The following FBXO38 variants were observed in gnomAD, a reference collection of about 807,000 sequenced individuals.
FBXO38 encodes the protein F-box protein 38, also known as F-box only protein 38.
FBXO38 carries 53 observed loss-of-function variants against 131.9 expected under a neutral mutation model. The ratio of observed to expected loss-of-function variants is 0.40; its 90% CI spans 0.32 to 0.51. The LOEUF is 0.51. Ranked by LOEUF, FBXO38 falls within the 20% of genes least tolerant of loss-of-function variation. The pLI is 0.53. For missense variants in FBXO38, 1,076 were observed against 1,475.6 expected, an observed-to-expected ratio of 0.73 and a Z score of 4.44; for synonymous variants, 452 against 505.6, an observed-to-expected ratio of 0.89 and a Z score of 1.42.
At chr5:148,415,886 A>G (rs1200327460) in intron 10 of FBXO38, 42 bp from the exon 11 acceptor site, 1 of 1,608,894 alleles carries the variant, frequency 6.2e-7, no homozygotes, top group South Asian at 1.1e-5. Flanking sequence ...AATGGGGAAA[A>G]TGTTACTTAG....
chr5:148,439,187 G>C (rs1445054675), intron 18 of FBXO38, among the ~76,000 whole-genome samples: 1 of 152,164 alleles, frequency 6.6e-6, no homozygotes, highest in Non-Finnish European at 1.5e-5. Context: ...AACTAGAGAT[G>C]GGGGAGGGTA....
At position 148,387,690 on chromosome 5, in the gene FBXO38, CTTTTTTTTTT is replaced by C. The variant is rs142417126; in HGVS notation, c.-64+3662_-64+3671del. Reference sequence around the variant, plus strand: ...AGCTATAGCCTTAGGGAATTTATTTCTTTTTTTTTTTTTTTTTTTTGAGATGGAGTCTAGC... The same window carrying C: ...AGCTATAGCCTTAGGGAATTTATTTCTTTTTTTTTTGAGATGGAGTCTAGC... On this transcript the variant is annotated intron_variant, in intron 1 of 21. Transcript: ENST00000340253. 5.2e-3 allele frequency among the ~76,000 whole-genome samples: 664 copies of C among 126,704 alleles called. 7 individuals are homozygous for C. The highest frequency in any genetic ancestry group is 0.033 in the Middle Eastern group (8 of 244). The allele number at this position is 126,704 out of a possible 152,430, so 83.1% of individuals were successfully genotyped here. A position where few individuals can be genotyped will look rare whatever the true frequency, so the allele number is the denominator to read the frequency against.
At chr5:148,411,769 C>A (rs1407123140) in intron 9 of FBXO38, among the ~76,000 whole-genome samples, 1 of 152,036 alleles carries the variant, frequency 6.6e-6, no homozygotes, top group Non-Finnish European at 1.5e-5. Flanking sequence ...CAGCTTTTCT[C>A]CAAAATAGCT....
chr5:148,404,888 T>G, intron 6 of FBXO38, 66 bp downstream of exon 6: 1 of 1,377,938 alleles, frequency 7.3e-7, no homozygotes, highest in Non-Finnish European at 9.8e-7. Context: ...AAGCAAACTC[T>G]AGCTACATTT....
Position 148,442,033 on chromosome 5 carries a change from A to G in FBXO38, c.3453A>G (p.Gly1151=). ...CAGACATCTGTATGGAAACAATAGG[A>G]GAGGAAATTTCAGAGATGCGTCAGA... ...LSADICMETI[G]EEISEMRQMK... is the part of the protein sequence containing the mutation. The change falls in exon 22 of 22, where the codon GGA becomes GGG. Residue 1151 remains glycine (G), a synonymous_variant. Transcript: ENST00000340253. 1 of 1,614,102 alleles carries G rather than the reference A, an allele frequency of 6.2e-7. No individual in the cohort carries two copies. Among genetic ancestry groups the G allele is most frequent in the Non-Finnish European group, 8.5e-7 (1 of 1,179,942 alleles).
In FBXO38 at chr5:148,394,728, A is replaced by G; in HGVS notation, c.-49A>G. On this transcript the variant is annotated 5_prime_UTR_variant, in exon 2 of 22. Transcript: ENST00000340253. ...TTGCTTTTCAGGTACTTTGAACTCA[A>G]GTAAACAAAAGGGAAGATTTTCTCG... The G allele has an allele frequency of 1.4e-6, 2 of 1,466,188 alleles. No homozygotes were observed. Among genetic ancestry groups the G allele is most frequent in the Non-Finnish European group, 1.8e-6 (2 of 1,107,000 alleles). 90.8% of individuals were successfully genotyped at this position (1,466,188 alleles called of 1,614,324 possible).
chr5:148,387,375 T>C (rs1376438678), intron 1 of FBXO38, among the ~76,000 whole-genome samples: 1 of 152,236 alleles, frequency 6.6e-6, no homozygotes, highest in Non-Finnish European at 1.5e-5. Flanking sequence ...ATCTTCAGGC[T>C]CTACATCCGA....
At chr5:148,405,166 C>T (rs1315410492) in intron 6 of FBXO38, among the ~76,000 whole-genome samples, 2 of 152,082 alleles carry the variant, frequency 1.3e-5, no homozygotes, top group Non-Finnish European at 2.9e-5. Flanking sequence ...CTTAATCTCC[C>T]TTAAACATAG....
intron 1 of FBXO38, among the ~76,000 whole-genome samples, chr5:148,391,772 A>C (rs1022098715): frequency 7.2e-5 from 11 of 152,190 alleles, no homozygotes; most frequent in African/African-American, 2.7e-4. Context: ...GAAAATTTCA[A>C]ATGATGGAGA....
chr5:148,388,863 T>C (rs1296765869), intron 1 of FBXO38, among the ~76,000 whole-genome samples: 2 of 152,260 alleles, frequency 1.3e-5, no homozygotes, highest in Non-Finnish European at 2.9e-5. Flanking sequence ...TGTTCACAAC[T>C]TAGCTAATGT....
intron 17 of FBXO38, among the ~76,000 whole-genome samples, chr5:148,436,856 A>G (rs539148071): frequency 3.5e-4 from 53 of 152,326 alleles, no homozygotes; most frequent in African/African-American, 1.1e-3. Flanking sequence ...TTAAATTACT[A>G]TCTCCTATTG....
Position 148,427,882 on chromosome 5 carries a change from A to AC in FBXO38, c.2591dup (p.Arg865SerfsTer19), listed in dbSNP as rs766280147. On this transcript the variant is annotated frameshift_variant, in exon 15 of 22. Coordinates refer to ENST00000340253, the MANE Select transcript of FBXO38 (RefSeq NM_205836.3). LOFTEE classifies it high-confidence loss of function. ...TGTGACGTGCAGTCTAATGAAGACT[A>AC]CCCTCGGAGGCCCCTAACCAGGGCC... The AC allele has an allele frequency of 1.3e-6, 2 of 1,556,928 alleles. No individual in the cohort carries two copies. The highest frequency in any genetic ancestry group is 1.7e-6 in the Non-Finnish European group (2 of 1,154,516).
rs750378908 is a variant in FBXO38 at position 148,417,098 on chromosome 5, C to G, written c.1512C>G (p.Asn504Lys). The change falls in exon 12 of 22, where the codon AAC becomes AAG. Residue 504 changes from asparagine to lysine, a missense_variant. This residue lies in a region of FBXO38 where 212 missense variants were observed against 221.2 expected (regional missense o/e 0.96). Coordinates refer to ENST00000340253, the MANE Select transcript of FBXO38 (RefSeq NM_205836.3). ...ATGACGATAATAATGCCCAGAATAACAATGCCAACATCCACGACAACAATC... is the reference window on the plus strand; with the variant it reads ...ATGACGATAATAATGCCCAGAATAAGAATGCCAACATCCACGACAACAATC... ...SNNDDNNAQN[N>K]NANIHDNNHH... 6.2e-7 allele frequency: 1 copy of G among 1,613,348 alleles called. No individual in the cohort carries two copies. The highest frequency in any genetic ancestry group is 1.1e-5 in the South Asian group (1 of 91,066).
intron 17 of FBXO38, among the ~76,000 whole-genome samples, chr5:148,438,109 A>G (rs896287325): frequency 1.3e-5 from 2 of 152,196 alleles, no homozygotes; most frequent in African/African-American, 4.8e-5. Context: ...GGTTTTCTTA[A>G]CAGTAAAATC....
chr5:148,395,172 A>T (rs1032928157), intron 2 of FBXO38, among the ~76,000 whole-genome samples: 1 of 152,100 alleles, frequency 6.6e-6, no homozygotes, highest in African/African-American at 2.4e-5. Flanking sequence ...CTTTCTCTAG[A>T]CTGTTAACAT....
chr5:148,402,381 T>G lies in FBXO38; in HGVS notation c.460T>G (p.Ser154Ala). 6.2e-7 allele frequency: 1 copy of G among 1,610,082 alleles called. No homozygotes were observed. Among genetic ancestry groups the G allele is most frequent in the Non-Finnish European group, 8.5e-7 (1 of 1,177,058 alleles). The stretch of plus-strand genomic sequence containing the variant: ...AACTTCTCATTTGGAGTTGGTAGAA[T>G]CCATTTGGACATATATGCCCCATGT... ...VETSHLELVE[S>A]IWTYMPHVHI... is the part of the protein sequence containing the mutation. The change falls in exon 5 of 22, where the codon TCC (serine) becomes GCC (alanine). Residue 154 changes from serine (S) to alanine (A), a missense_variant. Physicochemically the swap from Ser to Ala is moderately conservative, Grantham distance 99. This residue lies in a region of FBXO38 where 96 missense variants were observed against 193.9 expected (regional missense o/e 0.50). Coordinates refer to ENST00000340253, the MANE Select transcript of FBXO38 (RefSeq NM_205836.3).
Position 148,425,586 on chromosome 5 carries a change from T to A in FBXO38, c.1803T>A (p.Asp601Glu). The A allele has an allele frequency of 6.2e-7, 1 of 1,613,606 alleles. No homozygotes were observed. The highest frequency in any genetic ancestry group is 8.5e-7 in the Non-Finnish European group (1 of 1,179,572). ...TTACTGTTCATGATTCAGAGAGTGA[T>A]GATGAAGAAGATAGTCTAGAACTCC... ...TSITVHDSES[D>E]DEEDSLELQE... Residue 601 changes from aspartate to glutamate, a missense_variant, in exon 14 of 22, where the codon GAT becomes GAA. Around this residue, in one of 8 missense-constraint regions of FBXO38, gnomAD observed 212 missense variants for 221.2 expected, o/e 0.96. Transcript: ENST00000340253.
Position 148,414,163 on chromosome 5 carries a change from A to T in FBXO38, c.1121A>T (p.Lys374Met), listed in dbSNP as rs1247222449. The T allele has an allele frequency of 1.9e-6, 3 of 1,610,624 alleles. No homozygotes were observed. The highest frequency in any genetic ancestry group is 2.5e-6 in the Non-Finnish European group (3 of 1,178,944). ...AGAATGGCTAATGCGGATCTGGTGA[A>T]GTATGGTTTGGCTGATGTGGTAGAA... Reference protein sequence around the residue: ...QSRMANADLVKYGLADVVENP... With the variant: ...QSRMANADLVMYGLADVVENP... The change falls in exon 10 of 22, where the codon AAG becomes ATG. Residue 374 changes from lysine (K) to methionine (M), a missense_variant. By Grantham distance (95) the Lys-to-Met change is moderately conservative (BLOSUM62 -1). Around this residue, in one of 8 missense-constraint regions of FBXO38, gnomAD observed 146 missense variants for 274.3 expected, o/e 0.53. Transcript: ENST00000340253.
In FBXO38 at chr5:148,441,176, G is replaced by A; in HGVS notation, c.3327G>A (p.Arg1109=). 6.2e-7 allele frequency: 1 copy of A among 1,613,904 alleles called. No individual in the cohort carries two copies. Among genetic ancestry groups the A allele is most frequent in the Non-Finnish European group, 8.5e-7 (1 of 1,179,948 alleles). Reference sequence around the variant, plus strand: ...TGATTTCTGACTTCCCTTGGCTGAGGTCATTACGAGCTGCAGAGCCCAACA... The same window carrying A: ...TGATTTCTGACTTCCCTTGGCTGAGATCATTACGAGCTGCAGAGCCCAACA... ...YSMISDFPWL[R]SLRAAEPNSF... The change falls in exon 21 of 22, where the codon AGG becomes AGA. Residue 1109 remains arginine (R), a synonymous_variant. Transcript: ENST00000340253.
Sources: allele counts gnomAD v4.1 joint callset (sites outside exome capture counted in the v4.1 genomes callset), GRCh38; gene constraint gnomAD v4.1.1; regional missense constraint gnomAD v4.1.1; transcripts MANE v1.5; gene names NCBI Gene and HGNC (gene_info 2026-07-23, HGNC 2026-07-21).